BLM: variants seen among roughly 807,000 people sequenced by gnomAD.
BLM encodes the protein BLM RecQ like helicase.
In BLM, 95 loss-of-function variants were observed where a neutral mutation model predicts 135.3. The ratio of observed to expected loss-of-function variants is 0.70; its 90% CI spans 0.59 to 0.83. The LOEUF (loss-of-function observed/expected upper bound fraction) is 0.83, where lower values mean the gene tolerates loss of function less well. Ranked by LOEUF, BLM falls within the 40% of genes least tolerant of loss-of-function variation. BLM has a pLI of 0.00. For missense variants in BLM, 1,518 were observed against 1,663.9 expected (o/e 0.91, Z 1.53); for synonymous variants, 520 against 589.2 (o/e 0.88, Z 1.70).
intron 1 of BLM, among the ~76,000 whole-genome samples, chr15:90,741,072 GT>G (rs1390450932): frequency 6.6e-6 from 1 of 152,092 alleles, no homozygotes; most frequent in Non-Finnish European, 1.5e-5. Flanking sequence ...GTGTATGAGG[GT>G]TCTGATTTCC....
At chr15:90,800,984 C>CA (rs1055458587) in intron 17 of BLM, among the ~76,000 whole-genome samples, 18 of 151,774 alleles carry the variant, frequency 1.2e-4, no homozygotes, top group Admixed American at 2.0e-4. Context: ...CTCATCTCTA[C>CA]AAAAAAATAC....
chr15:90,754,059 A>G (rs964039006), intron 4 of BLM, among the ~76,000 whole-genome samples: 14 of 152,222 alleles, frequency 9.2e-5, no homozygotes, highest in Non-Finnish European at 1.3e-4. Context: ...TGTCCTTTTT[A>G]AAATCTTTCT....
intron 5 of BLM, among the ~76,000 whole-genome samples, chr15:90,758,149 G>A (rs555977283): frequency 3.7e-4 from 56 of 151,822 alleles, no homozygotes; most frequent in Admixed American, 5.9e-4. Context: ...CAAAGTGCTG[G>A]GATTACAGGC....
chr15:90,805,689 G>A (rs1161540257), intron 19 of BLM, among the ~76,000 whole-genome samples: 1 of 151,926 alleles, frequency 6.6e-6, no homozygotes, highest in Non-Finnish European at 1.5e-5. Context: ...TTGGGAGACT[G>A]AGGCAGGAGA....
At chr15:90,807,138 C>A (rs1460046697) in intron 19 of BLM, among the ~76,000 whole-genome samples, 1 of 152,190 alleles carries the variant, frequency 6.6e-6, no homozygotes, top group African/African-American at 2.4e-5. Flanking sequence ...AAGGCATTTC[C>A]AGAGTGTTCC....
chr15:90,809,316 C>T, intron 20 of BLM, 57 bp downstream of exon 20: 3 of 1,612,358 alleles, frequency 1.9e-6, no homozygotes, highest in Non-Finnish European at 2.5e-6. Flanking sequence ...AGCGACGCGT[C>T]TCACTGAATT....
intron 1 of BLM, among the ~76,000 whole-genome samples, chr15:90,733,459 C>T (rs1448309832): frequency 6.6e-6 from 1 of 152,098 alleles, no homozygotes; most frequent in African/African-American, 2.4e-5. Flanking sequence ...TTTATGGAGT[C>T]CAAATAATCC....
At position 90,815,372 on chromosome 15, in the gene BLM, G is replaced by C. The variant is rs1897536774; in HGVS notation, c.*93G>C. ...AGCTGTTATTCTTGTTATACCATTT[G>C]AAGTTTTTACTCGTCTCTATTAATA... On this transcript the variant is annotated 3_prime_UTR_variant, in exon 22 of 22. Transcript: ENST00000355112. The surrounding 1 kb of genome is among the most constrained non-coding windows in gnomAD (Gnocchi z 4.6). 7 of 1,409,312 alleles carry C rather than the reference G, an allele frequency of 5.0e-6. No individual in the cohort carries two copies. Among genetic ancestry groups the C allele is most frequent in the South Asian group, 2.4e-5 (2 of 82,866 alleles). 87.3% of individuals were successfully genotyped at this position (1,409,312 alleles called of 1,614,324 possible).
intron 8 of BLM, among the ~76,000 whole-genome samples, 162 bp from the exon 9 acceptor site, chr15:90,765,133 AT>A (rs1438042989): frequency 1.3e-5 from 2 of 152,178 alleles, no homozygotes; most frequent in African/African-American, 2.4e-5. Context: ...CATTATTTAA[AT>A]TGCCTAAATA....
chr15:90,744,765 G>T (rs1299212474), intron 1 of BLM, among the ~76,000 whole-genome samples: 1 of 151,890 alleles, frequency 6.6e-6, no homozygotes, highest in Non-Finnish European at 1.5e-5. Context: ...AAAGAATCAG[G>T]GAGGCTGGGC....
chr15:90,804,674 A>G (rs1240606059), intron 19 of BLM, among the ~76,000 whole-genome samples: 1 of 152,112 alleles, frequency 6.6e-6, no homozygotes, highest in African/African-American at 2.4e-5. Context: ...CATGTTGCCC[A>G]GTCTGGTCTC....
chr15:90,744,820 C>T (rs1200979114), intron 1 of BLM, among the ~76,000 whole-genome samples: 1 of 151,996 alleles, frequency 6.6e-6, no homozygotes, highest in Non-Finnish European at 1.5e-5. Context: ...GAGGCGGAGG[C>T]AGGAGGATCC....
intron 21 of BLM, among the ~76,000 whole-genome samples, chr15:90,812,558 G>C (rs1897449563): frequency 6.6e-6 from 1 of 152,210 alleles, no homozygotes; most frequent in Non-Finnish European, 1.5e-5. Flanking sequence ...CCTGGCAGGA[G>C]GGAGACCATT....
At chr15:90,805,097 A>G (rs562388609) in intron 19 of BLM, among the ~76,000 whole-genome samples, 92 of 152,064 alleles carry the variant, frequency 6.1e-4, no homozygotes, top group Admixed American at 1.0e-3. Context: ...CGGCCTCCCA[A>G]AGTGCTGGGA....
intron 1 of BLM, among the ~76,000 whole-genome samples, chr15:90,743,026 G>A (rs1257023399): frequency 1.3e-5 from 2 of 148,588 alleles, no homozygotes; most frequent in Non-Finnish European, 3.0e-5. Flanking sequence ...TTAAACACAG[G>A]GTCTCACTGT....
intron 12 of BLM, among the ~76,000 whole-genome samples, chr15:90,781,775 G>T (rs866621696): frequency 6.6e-6 from 1 of 152,188 alleles, no homozygotes; most frequent in African/African-American, 2.4e-5. Context: ...TGGGCTGCGG[G>T]TTGGATGAGC....
chr15:90,759,952 A>C, intron 5 of BLM, 195 bp from the exon 6 acceptor site: 1 of 431,960 alleles, frequency 2.3e-6, no homozygotes, highest in Non-Finnish European at 4.2e-6. Context: ...TCAAGATCTT[A>C]AGACTTTTTT....
At chr15:90,735,340 G>GTTC (rs1440584620) in intron 1 of BLM, among the ~76,000 whole-genome samples, 4 of 148,130 alleles carry the variant, frequency 2.7e-5, no homozygotes, top group African/African-American at 9.9e-5. Flanking sequence ...TATCAACAGA[G>GTTC]TTCTGGCACT....
intron 19 of BLM, among the ~76,000 whole-genome samples, chr15:90,804,878 C>T (rs1230986832): frequency 1.3e-5 from 2 of 152,054 alleles, no homozygotes; most frequent in African/African-American, 4.8e-5. Context: ...CTCTTATTGC[C>T]CAGGCTGGAG....
Sources: gnomAD v4.1 joint callset for allele counts (sites outside exome capture counted in the v4.1 genomes callset) on GRCh38, gnomAD v4.1.1 for gene constraint, Gnocchi (gnomAD v3.1) non-coding constraint, MANE v1.5 for transcripts, NCBI Gene and HGNC (gene_info 2026-07-23, HGNC 2026-07-21) for gene names.